The following CDK14 variants were observed in gnomAD, a reference collection of about 807,000 sequenced individuals.
CDK14 encodes cyclin dependent kinase 14, also known as cyclin-dependent kinase 14.
Under a neutral mutation model 60.7 loss-of-function variants are expected in CDK14, and 34 were observed. The ratio of observed to expected loss-of-function variants is 0.56; its 90% CI spans 0.43 to 0.75. The LOEUF (loss-of-function observed/expected upper bound fraction) is 0.75. Among genes scored for constraint, CDK14 ranks in the 30% least tolerant of loss-of-function variants. CDK14 has a pLI of 0.00. For missense variants in CDK14, 482 were observed against 564.1 expected, an observed-to-expected ratio of 0.85 and a Z score of 1.47; for synonymous variants, 197 against 203.7, an observed-to-expected ratio of 0.97 and a Z score of 0.28.
intron 14 of CDK14, among the ~76,000 whole-genome samples, chr7:91,147,160 T>C (rs867262226): frequency 2.8e-5 from 3 of 107,680 alleles, no homozygotes; most frequent in African/African-American, 1.1e-4. Context: ...TCTCTCTCTC[T>C]CTCACACACA....
chr7:90,770,978 A>G (rs1804763021), intron 4 of CDK14, among the ~76,000 whole-genome samples: 1 of 152,128 alleles, frequency 6.6e-6, no homozygotes, highest in Non-Finnish European at 1.5e-5. Context: ...CAGTCTAGAG[A>G]GAATCCCCTC....
intron 11 of CDK14, among the ~76,000 whole-genome samples, chr7:91,054,552 C>T (rs1797497505): frequency 6.6e-6 from 1 of 152,174 alleles, no homozygotes; most frequent in Non-Finnish European, 1.5e-5. Context: ...GCAGACTGCA[C>T]TTTCTGGTTG....
At chr7:90,683,956 A>G (rs562529011) in intron 2 of CDK14, among the ~76,000 whole-genome samples, 2 of 152,084 alleles carry the variant, frequency 1.3e-5, no homozygotes, top group East Asian at 3.9e-4. Context: ...ATACATTCAC[A>G]TGCATGTATG....
intron 12 of CDK14, among the ~76,000 whole-genome samples, chr7:91,106,903 A>G (rs1317547229): frequency 6.6e-6 from 1 of 152,244 alleles, no homozygotes; most frequent in African/African-American, 2.4e-5. Flanking sequence ...GGAGATTATT[A>G]TCAGGCATAC....
At chr7:90,765,988 A>G (rs868792788) in intron 4 of CDK14, among the ~76,000 whole-genome samples, 1 of 152,186 alleles carries the variant, frequency 6.6e-6, no homozygotes, top group Non-Finnish European at 1.5e-5. Flanking sequence ...AATAATGTGT[A>G]GATATGAAAT....
intron 2 of CDK14, among the ~76,000 whole-genome samples, chr7:90,662,780 G>A (rs541411118): frequency 6.6e-6 from 1 of 152,268 alleles, no homozygotes; most frequent in Admixed American, 6.5e-5. Flanking sequence ...TTGTAGAAAG[G>A]TTTCATCATC....
intron 3 of CDK14, among the ~76,000 whole-genome samples, chr7:90,740,606 C>T (rs1309508032): frequency 1.3e-5 from 2 of 152,132 alleles, no homozygotes; most frequent in African/African-American, 4.8e-5. Context: ...CTGCCAAAAC[C>T]TTGATCTTGG....
intron 2 of CDK14, among the ~76,000 whole-genome samples, chr7:90,643,918 G>A (rs529211653): frequency 1.3e-5 from 2 of 152,306 alleles, no homozygotes; most frequent in South Asian, 4.1e-4. Context: ...AATTGGTATG[G>A]ACTGAATTGT....
At chr7:91,104,753 A>G (rs560507506) in intron 12 of CDK14, among the ~76,000 whole-genome samples, 6 of 152,312 alleles carry the variant, frequency 3.9e-5, no homozygotes, top group African/African-American at 1.4e-4. Flanking sequence ...TCATCTAGAC[A>G]TTGTGTGGTG....
intron 5 of CDK14, among the ~76,000 whole-genome samples, chr7:90,842,130 A>G (rs1292787625): frequency 1.3e-5 from 2 of 152,192 alleles, no homozygotes; most frequent in Admixed American, 1.3e-4. Flanking sequence ...TGGATTTATT[A>G]TACTCAAAAC....
intron 2 of CDK14, among the ~76,000 whole-genome samples, chr7:90,654,360 A>G (rs1800709377): frequency 6.6e-6 from 1 of 152,238 alleles, no homozygotes; most frequent in Admixed American, 6.5e-5. Flanking sequence ...TCAGTGGAAA[A>G]TGCAGACAAC....
intron 2 of CDK14, among the ~76,000 whole-genome samples, chr7:90,615,093 A>G (rs1584742665): frequency 1.3e-5 from 2 of 152,190 alleles, no homozygotes; most frequent in Non-Finnish European, 2.9e-5. Flanking sequence ...TTCTATGATA[A>G]TGATGAATCT....
intron 9 of CDK14, among the ~76,000 whole-genome samples, chr7:90,978,670 A>G (rs558446373): frequency 6.6e-6 from 1 of 152,214 alleles, no homozygotes; most frequent in South Asian, 2.1e-4. Context: ...GTTAGATAGC[A>G]CCTTATTAAA....
At chr7:90,708,953 G>C (rs1440607404) in intron 2 of CDK14, among the ~76,000 whole-genome samples, 1 of 152,122 alleles carries the variant, frequency 6.6e-6, no homozygotes, top group Non-Finnish European at 1.5e-5. Flanking sequence ...CGCTATGAGA[G>C]TAGCAGTCTG....
intron 14 of CDK14, among the ~76,000 whole-genome samples, chr7:91,155,316 G>A (rs561136331): frequency 7.2e-5 from 11 of 152,262 alleles, no homozygotes; most frequent in South Asian, 2.1e-4. Flanking sequence ...ATAGCAAAAC[G>A]TCCAAAGGTG....
At chr7:90,758,566 C>T (rs1804176826) in intron 4 of CDK14, among the ~76,000 whole-genome samples, 1 of 152,118 alleles carries the variant, frequency 6.6e-6, no homozygotes, top group Non-Finnish European at 1.5e-5. Context: ...ATTTTTTGAA[C>T]TTATTCAACT....
intron 5 of CDK14, among the ~76,000 whole-genome samples, chr7:90,800,920 C>T (rs538498047): frequency 5.3e-5 from 8 of 152,158 alleles, no homozygotes; most frequent in African/African-American, 9.7e-5. Context: ...TACATCACTT[C>T]GATCTCTGCC....
At chr7:90,668,514 T>C (rs1320698182) in intron 2 of CDK14, among the ~76,000 whole-genome samples, 4 of 152,132 alleles carry the variant, frequency 2.6e-5, no homozygotes, top group African/African-American at 4.8e-5. Context: ...AAATTTTGAT[T>C]ATGTCCAATT....
chr7:91,151,491 CCA>C (rs1800826600), intron 14 of CDK14, among the ~76,000 whole-genome samples: 1 of 152,120 alleles, frequency 6.6e-6, no homozygotes, highest in Non-Finnish European at 1.5e-5. Flanking sequence ...TTCTCTAACT[CCA>C]GAGTTATGAT....
Sources: allele counts gnomAD v4.1 joint callset (sites outside exome capture counted in the v4.1 genomes callset), GRCh38; gene constraint gnomAD v4.1.1; transcripts MANE v1.5; gene names NCBI Gene and HGNC (gene_info 2026-07-23, HGNC 2026-07-21).